Variants in ADGRB3 observed in about 807,000 individuals in gnomAD.
ADGRB3 encodes brain-specific angiogenesis inhibitor 3.
A neutral mutation model predicts 193.4 loss-of-function variants in ADGRB3; 37 were observed. The observed-to-expected ratio is 0.19, with a 90% CI of 0.15 to 0.25. The LOEUF is 0.25. Among genes scored for constraint, ADGRB3 ranks in the 10% least tolerant of loss-of-function variants. ADGRB3 has a pLI of 1.00. For missense variants in ADGRB3, 1,637 were observed against 1,852.9 expected (o/e 0.88, Z 2.14); for synonymous variants, 690 against 644.2 (o/e 1.07, Z -1.08).
intron 24 of ADGRB3, among the ~76,000 whole-genome samples, chr6:69,334,897 C>A (rs1768814331): frequency 6.6e-6 from 1 of 152,096 alleles, no homozygotes; most frequent in East Asian, 1.9e-4. Context: ...ATAACCCCTG[C>A]CTCATAGAGT....
chr6:68,677,682 G>A (rs542341649), intron 3 of ADGRB3, among the ~76,000 whole-genome samples: 24 of 151,756 alleles, frequency 1.6e-4, no homozygotes, highest in African/African-American at 5.3e-4. Flanking sequence ...CACACTGGGC[G>A]AATTTTTGTA....
At chr6:69,161,810 T>G (rs1774994131) in intron 17 of ADGRB3, among the ~76,000 whole-genome samples, 1 of 152,100 alleles carries the variant, frequency 6.6e-6, no homozygotes. Context: ...ATTTACTGGC[T>G]GTTAACTGAA....
chr6:69,033,941 G>A (rs145260442), intron 13 of ADGRB3, among the ~76,000 whole-genome samples: 309 of 152,150 alleles, frequency 2.0e-3, no homozygotes, highest in Non-Finnish European at 3.4e-3. Flanking sequence ...GAAGCGAACT[G>A]TTCACAAGGG....
intron 17 of ADGRB3, among the ~76,000 whole-genome samples, chr6:69,087,961 A>G (rs1772596798): frequency 6.6e-6 from 1 of 152,172 alleles, no homozygotes; most frequent in Non-Finnish European, 1.5e-5. Context: ...ACTAATATGT[A>G]TGGTCTGCTT....
chr6:69,261,115 T>C (rs1044259034), intron 20 of ADGRB3, among the ~76,000 whole-genome samples: 1 of 152,184 alleles, frequency 6.6e-6, no homozygotes, highest in African/African-American at 2.4e-5. Flanking sequence ...CACTATTGAA[T>C]AGAAAATTGT....
intron 17 of ADGRB3, among the ~76,000 whole-genome samples, chr6:69,097,318 A>G (rs1021460673): frequency 1.3e-5 from 2 of 152,294 alleles, no homozygotes; most frequent in East Asian, 1.9e-4. Flanking sequence ...TCTAAGCCAC[A>G]TGTCTTCACT....
chr6:69,302,216 T>C (rs879674610), intron 20 of ADGRB3, among the ~76,000 whole-genome samples: 1 of 151,928 alleles, frequency 6.6e-6, no homozygotes, highest in Non-Finnish European at 1.5e-5. Context: ...ACTTTTTAAG[T>C]GCTCTAAGTG....
intron 17 of ADGRB3, among the ~76,000 whole-genome samples, chr6:69,100,857 G>GGGAC (rs1562159382): frequency 1.0e-4 from 3 of 28,620 alleles, no homozygotes; most frequent in Non-Finnish European, 2.8e-4. Context: ...AGGGAGGGAA[G>GGGAC]GAAGGAAGGA....
intron 3 of ADGRB3, among the ~76,000 whole-genome samples, chr6:68,905,953 A>T (rs1269074422): frequency 1.8e-4 from 27 of 146,618 alleles, no homozygotes; most frequent in Admixed American, 9.4e-4. Context: ...CAATTTTGTT[A>T]AAAAAAAAGT....
At chr6:69,193,568 G>A (rs1188163585) in intron 17 of ADGRB3, among the ~76,000 whole-genome samples, 3 of 152,056 alleles carry the variant, frequency 2.0e-5, no homozygotes, top group Non-Finnish European at 2.9e-5. Context: ...AATTTCACCT[G>A]TCCTGACACT....
At chr6:69,036,923 T>C (rs1334416622) in intron 13 of ADGRB3, among the ~76,000 whole-genome samples, 2 of 152,176 alleles carry the variant, frequency 1.3e-5, no homozygotes, top group African/African-American at 4.8e-5. Context: ...ATCTGCTTTA[T>C]ATTTAAGAAT....
intron 3 of ADGRB3, among the ~76,000 whole-genome samples, chr6:68,886,386 C>T (rs1266604096): frequency 2.0e-5 from 3 of 152,022 alleles, no homozygotes. Flanking sequence ...GCAACTTGGG[C>T]AATAATGACC....
rs146045500 is a variant in ADGRB3, at chr6:69,224,494, A to C, written c.2481-8796A>C. Reference sequence around the variant, plus strand: ...ATATACAAACAGAATGAATTATTTTATGGCTTTTAGATTAACAAATGATCA... The same window carrying C: ...ATATACAAACAGAATGAATTATTTTCTGGCTTTTAGATTAACAAATGATCA... On this transcript the variant is annotated intron_variant, in intron 17 of 31. Transcript: ENST00000370598. Among the ~76,000 whole-genome samples, 100 of 152,300 alleles carry C rather than the reference A, an allele frequency of 6.6e-4. No individual in the cohort carries two copies. In the East Asian group the frequency reaches 0.014, roughly 21 times the overall value.
chr6:68,661,068 CA>C (rs771671058), intron 3 of ADGRB3, among the ~76,000 whole-genome samples: 1 of 149,854 alleles, frequency 6.7e-6, no homozygotes, highest in Non-Finnish European at 1.5e-5. Context: ...ATTTTATATA[CA>C]AAAAAATGTT....
chr6:69,243,911 T>C (rs1338158018), intron 20 of ADGRB3, among the ~76,000 whole-genome samples: 1 of 152,084 alleles, frequency 6.6e-6, no homozygotes, highest in Non-Finnish European at 1.5e-5. Context: ...GTAGATATTA[T>C]AACAAGCCTA....
chr6:69,327,747 T>G, intron 21 of ADGRB3, 73 bp from the exon 22 acceptor site: 2 of 1,323,362 alleles, frequency 1.5e-6, no homozygotes, highest in South Asian at 2.9e-5. Context: ...TGGAGTTTGT[T>G]CTGGCTTTTC....
intron 11 of ADGRB3, among the ~76,000 whole-genome samples, chr6:69,006,632 A>C (rs2150281815): frequency 6.6e-6 from 1 of 151,926 alleles, no homozygotes; most frequent in African/African-American, 2.4e-5. Context: ...TAGCCTCCTA[A>C]GTAGCTGGGA....
At chr6:69,193,887 A>AAT in intron 17 of ADGRB3, among the ~76,000 whole-genome samples, 1 of 152,148 alleles carries the variant, frequency 6.6e-6, no homozygotes, top group South Asian at 2.1e-4. Context: ...GGTAGAAAAA[A>AAT]ACAAAATAAA....
chr6:68,817,486 G>T (rs1238619539), intron 3 of ADGRB3, among the ~76,000 whole-genome samples: 2 of 150,720 alleles, frequency 1.3e-5, no homozygotes, highest in East Asian at 2.0e-4. Context: ...CTCCTGTAAA[G>T]TATAAAAGCC....
Sources: gnomAD v4.1 joint callset for allele counts (sites outside exome capture counted in the v4.1 genomes callset) on GRCh38, gnomAD v4.1.1 for gene constraint, MANE v1.5 for transcripts, NCBI Gene and HGNC (gene_info 2026-07-23, HGNC 2026-07-21) for gene names.